DHRSX: variants seen among roughly 807,000 people sequenced by gnomAD.
The protein encoded by DHRSX is dehydrogenase/reductase X-linked.
DHRSX carries 31 observed loss-of-function variants against 34.0 expected under a neutral mutation model. The ratio of observed to expected loss-of-function variants is 0.91; its 90% CI spans 0.69 to 1.23. DHRSX has a LOEUF of 1.23. Among genes scored for constraint, DHRSX ranks in the 50% most tolerant of loss-of-function variants. The probability of loss-of-function intolerance (pLI) is 0.00; values close to 1 mark genes in which losing one functional copy is unlikely to be tolerated. For missense variants in DHRSX, 414 were observed against 428.1 expected, an observed-to-expected ratio of 0.97 and a Z score of 0.29; for synonymous variants, 201 against 183.8, an observed-to-expected ratio of 1.09 and a Z score of -0.76.
chrX:2,459,632 G>A (rs1370359779), intron 1 of DHRSX, among the ~76,000 whole-genome samples: 2 of 144,652 alleles, frequency 1.4e-5, no homozygotes, highest in Admixed American at 7.2e-5. Flanking sequence ...TTTTGTTAAC[G>A]AACAATAAAT....
chrX:2,437,850 A>C (rs2044013878), intron 1 of DHRSX, among the ~76,000 whole-genome samples: 1 of 152,032 alleles, frequency 6.6e-6, no homozygotes, highest in Non-Finnish European at 1.5e-5. Flanking sequence ...TTCTTATAGA[A>C]GAAAGACCGT....
At chrX:2,323,999 G>T (rs1466756096) in intron 3 of DHRSX, among the ~76,000 whole-genome samples, 2 of 150,502 alleles carry the variant, frequency 1.3e-5, no homozygotes, top group African/African-American at 4.9e-5. Context: ...TGAAGTTGCA[G>T]TGAGCCATGA....
chrX:2,264,281 G>A (rs1004865184), intron 5 of DHRSX, among the ~76,000 whole-genome samples: 22 of 151,390 alleles, frequency 1.5e-4, no homozygotes, highest in African/African-American at 4.6e-4. Context: ...GGAGCACCGT[G>A]CCCAGAGCAC....
chrX:2,262,739 A>G (rs1243130922), intron 5 of DHRSX, among the ~76,000 whole-genome samples: 1 of 152,190 alleles, frequency 6.6e-6, no homozygotes, highest in Admixed American at 6.5e-5. Flanking sequence ...GAGAAGATGA[A>G]GTCCTGGCCA....
chrX:2,494,709 T>A, intron 1 of DHRSX, among the ~76,000 whole-genome samples: 1 of 151,964 alleles, frequency 6.6e-6, no homozygotes, highest in East Asian at 1.9e-4. Context: ...ACTATTCTTA[T>A]TATTACTATT....
At chrX:2,435,343 A>G (rs184904581) in intron 1 of DHRSX, among the ~76,000 whole-genome samples, 182 of 152,266 alleles carry the variant, frequency 1.2e-3, no homozygotes, top group African/African-American at 3.9e-3. Flanking sequence ...TCCTTGTGAC[A>G]TGGTATTATT....
At position 2,257,729 on chromosome X, in the gene DHRSX, G is replaced by C. The variant is rs1341634676; in HGVS notation, c.596+9011C>G. On this transcript the variant is annotated intron_variant, in intron 5 of 6. Transcript: ENST00000334651. ...CAACCTCCGCCTCCCGGGTTCAAGC[G>C]ATTCTCCTGCCTCAGCCTCCCCAGT... Among the ~76,000 whole-genome samples the C allele has an allele frequency of 3.3e-5, 5 of 152,184 alleles. No homozygotes were observed. In the South Asian group the frequency reaches 1.0e-3, roughly 32 times the overall value.
At chrX:2,304,067 G>GGGTGGGTGGACTGATGGATGGATA (rs2042060428) in intron 3 of DHRSX, among the ~76,000 whole-genome samples, 1 of 147,020 alleles carries the variant, frequency 6.8e-6, no homozygotes, top group African/African-American at 2.6e-5. Flanking sequence ...ATGGATGGGT[G>GGGTGGGTGGACTGATGGATGGATA]GATGGATGGA....
intron 3 of DHRSX, among the ~76,000 whole-genome samples, chrX:2,384,488 C>A (rs954447603): frequency 6.8e-4 from 103 of 152,214 alleles, no homozygotes; most frequent in African/African-American, 2.5e-3. Flanking sequence ...AGAAGCCACA[C>A]AGGAGGGTAG....
At chrX:2,464,351 G>A (rs1441374362) in intron 1 of DHRSX, among the ~76,000 whole-genome samples, 1 of 67,586 alleles carries the variant, frequency 1.5e-5, no homozygotes, top group East Asian at 2.8e-4. Flanking sequence ...GCCAAGGGCC[G>A]CTGATGTGCA....
intron 3 of DHRSX, among the ~76,000 whole-genome samples, chrX:2,380,919 C>T (rs192515755): frequency 0.061 from 9,310 of 152,214 alleles, 651 homozygotes; most frequent in African/African-American, 0.17. Context: ...GGCTGGAGTG[C>T]AGTGGTGTGA....
chrX:2,345,637 A>G, intron 3 of DHRSX, among the ~76,000 whole-genome samples: 1 of 143,238 alleles, frequency 7.0e-6, no homozygotes, highest in East Asian at 2.0e-4. Flanking sequence ...CCTGGGCAAC[A>G]AGAGTGAAAC....
At chrX:2,482,802 C>G (rs921756126) in intron 1 of DHRSX, among the ~76,000 whole-genome samples, 2 of 152,080 alleles carry the variant, frequency 1.3e-5, no homozygotes, top group Non-Finnish European at 2.9e-5. Context: ...CCGGTGACCT[C>G]GAACACCCCA....
intron 1 of DHRSX, among the ~76,000 whole-genome samples, chrX:2,478,681 G>T (rs2044720273): frequency 1.3e-5 from 2 of 152,004 alleles, no homozygotes; most frequent in Admixed American, 1.3e-4. Context: ...TGTATGCACT[G>T]AAGATATTCC....
intron 6 of DHRSX, among the ~76,000 whole-genome samples, chrX:2,232,072 T>C (rs1341477100): frequency 6.6e-6 from 1 of 150,920 alleles, no homozygotes; most frequent in African/African-American, 2.4e-5. Flanking sequence ...TTCCTCCTTT[T>C]ATTTTTTCTC....
At chrX:2,444,108 C>A (rs1172820452) in intron 1 of DHRSX, among the ~76,000 whole-genome samples, 12 of 151,918 alleles carry the variant, frequency 7.9e-5, no homozygotes, top group African/African-American at 2.4e-4. Context: ...TCACCGTTTT[C>A]CCTCTAAAAA....
At chrX:2,499,093 C>T (rs1292322680) in intron 1 of DHRSX, among the ~76,000 whole-genome samples, 1 of 152,098 alleles carries the variant, frequency 6.6e-6, no homozygotes, top group Non-Finnish European at 1.5e-5. Context: ...ACTCCAGGCA[C>T]GCTTCTCAAA....
In DHRSX at chrX:2,296,466, CAGGAATAGGACCCAGGCAGAT is replaced by C. The variant is rs1315874130; in HGVS notation, c.287-4884_287-4864del. Among the ~76,000 whole-genome samples the C allele has an allele frequency of 7.5e-4, 113 of 151,356 alleles. 1 individual carries two copies. Among genetic ancestry groups the C allele is most frequent in the Middle Eastern group, 3.4e-3 (1 of 294 alleles). ...AGGAAATGCATAGACCCGAGGCAGA[CAGGAATAGGACCCAGGCAGAT>C]AGGAATAGGACCCAGGCAGATAGAC... On this transcript the variant is annotated intron_variant, in intron 3 of 6. Coordinates refer to ENST00000334651, the MANE Select transcript of DHRSX (RefSeq NM_145177.3).
chrX:2,307,329 G>A (rs1412699029), intron 3 of DHRSX, among the ~76,000 whole-genome samples: 1 of 152,272 alleles, frequency 6.6e-6, no homozygotes, highest in South Asian at 2.1e-4. Context: ...AGGGAGAGGG[G>A]TGTAAAGGCT....
Sources: gnomAD v4.1 joint callset for allele counts (sites outside exome capture counted in the v4.1 genomes callset) on GRCh38, gnomAD v4.1.1 for gene constraint, MANE v1.5 for transcripts, NCBI Gene and HGNC (gene_info 2026-07-23, HGNC 2026-07-21) for gene names.